Variants in BICDL1 observed in about 807,000 individuals in gnomAD.
BICDL1 encodes the protein BICD family like cargo adaptor 1.
A neutral mutation model predicts 76.8 loss-of-function variants in BICDL1; 20 were observed. The observed-to-expected ratio is 0.26, with a 90% CI of 0.18 to 0.38. BICDL1 has a LOEUF of 0.38. BICDL1 is among the 10% of genes least tolerant of loss of function. The pLI is 1.00. For synonymous variants in BICDL1, 383 were observed against 337.1 expected (o/e 1.14, Z -1.49); for missense variants, 700 against 798.6 (o/e 0.88, Z 1.49).
chr12:120,084,297 C>T (rs565528161), intron 8 of BICDL1, among the ~76,000 whole-genome samples: 16 of 152,286 alleles, frequency 1.1e-4, no homozygotes, highest in South Asian at 2.1e-4. Flanking sequence ...CCACCACACC[C>T]GGCCAACACT....
intron 6 of BICDL1, among the ~76,000 whole-genome samples, chr12:120,073,757 A>G (rs1873301336): frequency 6.6e-6 from 1 of 152,136 alleles, no homozygotes; most frequent in Admixed American, 6.5e-5. Flanking sequence ...TGCCGTATTG[A>G]TCTGTGGGAG....
chr12:120,070,650 A>G (rs1566258090), intron 4 of BICDL1, among the ~76,000 whole-genome samples: 2 of 152,132 alleles, frequency 1.3e-5, no homozygotes, highest in Non-Finnish European at 2.9e-5. Flanking sequence ...TGTCTTATAA[A>G]CGTCCATAAT....
chr12:120,091,857 A>C (rs1240028421), intron 9 of BICDL1: 1 of 985,212 alleles, frequency 1.0e-6, no homozygotes, highest in East Asian at 1.1e-4. Context: ...TCATGCCCTC[A>C]TCTCGTCAGT....
intron 2 of BICDL1, among the ~76,000 whole-genome samples, chr12:120,007,187 G>T (rs992398954): frequency 6.6e-6 from 1 of 152,182 alleles, no homozygotes; most frequent in African/African-American, 2.4e-5. Flanking sequence ...AGGAAAGAGG[G>T]ATAGGTTGGA....
In BICDL1 at chr12:120,093,065, G is replaced by C; in HGVS notation, c.1770G>C (p.Pro590=). 6.2e-7 allele frequency: 1 copy of C among 1,600,892 alleles called. No individual in the cohort carries two copies. The highest frequency in any genetic ancestry group is 8.5e-7 in the Non-Finnish European group (1 of 1,172,804). ...MDTHLKERSQ[P]AAALCRGHSA... ...CGCACCTGAAAGAACGGAGCCAGCC[G>C]GCTGCTGCCCTCTGCAGGGGCCACA... Residue 590 remains proline (P), a synonymous_variant, in exon 10 of 10, where the codon CCG becomes CCC. Transcript: ENST00000548673.
At position 120,061,790 on chromosome 12, in the gene BICDL1, C is replaced by A; in HGVS notation, c.726C>A (p.Asn242Lys). 6.2e-7 allele frequency: 1 copy of A among 1,614,158 alleles called. No homozygotes were observed. The highest frequency in any genetic ancestry group is 1.1e-5 in the South Asian group (1 of 91,084). ...TTCGGGAGAAAAACTCATCAACCAACCAGCACATTATCCGGCTGGAGAGCC... is the reference window on the plus strand; with the variant it reads ...TTCGGGAGAAAAACTCATCAACCAAACAGCACATTATCCGGCTGGAGAGCC... ...EDFREKNSSTNQHIIRLESLQ... is the reference protein window; with the variant it reads ...EDFREKNSSTKQHIIRLESLQ... Residue 242 changes from asparagine (N) to lysine (K), a missense_variant, in exon 3 of 10, where the codon AAC becomes AAA. This residue lies in a region of BICDL1 where 455 missense variants were observed against 548.7 expected (regional missense o/e 0.83). Coordinates refer to ENST00000548673, the MANE Select transcript of BICDL1 (RefSeq NM_001367886.1).
At chr12:119,991,823 C>A (rs1951530335) in intron 1 of BICDL1, among the ~76,000 whole-genome samples, 1 of 151,978 alleles carries the variant, frequency 6.6e-6, no homozygotes, top group African/African-American at 2.4e-5. Context: ...CCATGTGGAG[C>A]CTTTATACAT....
chr12:119,991,457 G>C (rs1403424216), intron 1 of BICDL1, among the ~76,000 whole-genome samples: 1 of 152,194 alleles, frequency 6.6e-6, no homozygotes, highest in Non-Finnish European at 1.5e-5. Context: ...CCTGTAGTTC[G>C]GTTGTCCTGC....
intron 2 of BICDL1, among the ~76,000 whole-genome samples, chr12:120,017,557 C>T (rs565605307): frequency 5.3e-5 from 8 of 151,960 alleles, no homozygotes; most frequent in East Asian, 1.9e-4. Context: ...TAGCAAGACC[C>T]GTCTCTGCAA....
At chr12:120,020,242 A>G (rs1952151719) in intron 2 of BICDL1, among the ~76,000 whole-genome samples, 2 of 152,258 alleles carry the variant, frequency 1.3e-5, no homozygotes, top group African/African-American at 4.8e-5. Flanking sequence ...TGGAATAATT[A>G]TACCGCAGTT....
intron 2 of BICDL1, among the ~76,000 whole-genome samples, chr12:120,029,284 A>C (rs145939280): frequency 8.5e-5 from 13 of 152,310 alleles, no homozygotes; most frequent in Admixed American, 7.2e-4. Context: ...TAGGGCTATA[A>C]TTTTACCTAA....
chr12:120,005,028 G>A (rs187966957), intron 2 of BICDL1, among the ~76,000 whole-genome samples: 134 of 152,210 alleles, frequency 8.8e-4, no homozygotes, highest in African/African-American at 2.9e-3. Flanking sequence ...TCACCATGTT[G>A]GCCAGTCTAG....
intron 2 of BICDL1, among the ~76,000 whole-genome samples, chr12:120,040,054 G>C (rs917011961): frequency 2.6e-5 from 4 of 152,054 alleles, no homozygotes; most frequent in Admixed American, 1.3e-4. Context: ...CCTAGCTGCT[G>C]TATCCAAAAT....
At chr12:120,035,995 T>C (rs1167455309) in intron 2 of BICDL1, among the ~76,000 whole-genome samples, 1 of 152,160 alleles carries the variant, frequency 6.6e-6, no homozygotes, top group Non-Finnish European at 1.5e-5. Flanking sequence ...TCACTTAACA[T>C]TTAGTTTTTA....
At chr12:120,003,739 TC>T (rs1305695721) in intron 2 of BICDL1, among the ~76,000 whole-genome samples, 1 of 152,240 alleles carries the variant, frequency 6.6e-6, no homozygotes, top group Non-Finnish European at 1.5e-5. Flanking sequence ...AGTCTGCAGG[TC>T]CTTTTGCATT....
At chr12:120,059,552 G>T (rs538071041) in intron 2 of BICDL1, among the ~76,000 whole-genome samples, 2 of 152,198 alleles carry the variant, frequency 1.3e-5, no homozygotes, top group Non-Finnish European at 2.9e-5. Context: ...GGGATTACAG[G>T]TGTGAGCCAC....
intron 2 of BICDL1, chr12:120,019,273 A>AT (rs1952131522): frequency 6.6e-6 from 1 of 152,044 alleles, no homozygotes; most frequent in Non-Finnish European, 1.5e-5. Flanking sequence ...AAAAAAAAAA[A>AT]GTCTATCTGG....
Position 120,000,933 on chromosome 12 carries a change from T to G in BICDL1, c.645+2197T>G, listed in dbSNP as rs146720546. On this transcript the variant is annotated intron_variant, in intron 2 of 9. Coordinates refer to ENST00000548673, the MANE Select transcript of BICDL1 (RefSeq NM_001367886.1). ...TGATGGTTGTTTTACTAAAGCAGTG[T>G]CTTTATAATTTGTTCACTTTGCCTA... Among the ~76,000 whole-genome samples the G allele has an allele frequency of 8.0e-3, 1,219 of 152,332 alleles. 16 individuals are homozygous for G. The highest frequency in any genetic ancestry group is 0.027 in the African/African-American group (1,112 of 41,568).
At chr12:120,062,849 GCCTCTGACT>G (rs1428172458) in intron 3 of BICDL1, among the ~76,000 whole-genome samples, 1 of 152,106 alleles carries the variant, frequency 6.6e-6, no homozygotes, top group African/African-American at 2.4e-5. Flanking sequence ...GCCTCTGCCA[GCCTCTGACT>G]CCTTCACGTT....
Sources: allele counts gnomAD v4.1 joint callset (sites outside exome capture counted in the v4.1 genomes callset), GRCh38; gene constraint gnomAD v4.1.1; regional missense constraint gnomAD v4.1.1; transcripts MANE v1.5; gene names NCBI Gene and HGNC (gene_info 2026-07-23, HGNC 2026-07-21).